Variants in BRINP1 observed in about 807,000 individuals in gnomAD.
BRINP1 encodes the protein BMP/retinoic acid inducible neural specific 1.
BRINP1 carries 17 observed loss-of-function variants against 72.9 expected under a neutral mutation model. The observed-to-expected ratio is 0.23, with a 90% CI of 0.16 to 0.35. BRINP1 has a LOEUF of 0.35. BRINP1 is among the 10% of genes least tolerant of loss of function. The pLI, the probability that BRINP1 is intolerant of heterozygous loss-of-function variation, is 1.00. For synonymous variants in BRINP1, 418 were observed against 378.5 expected, an observed-to-expected ratio of 1.10 and a Z score of -1.21; for missense variants, 850 against 1,001.6, an observed-to-expected ratio of 0.85 and a Z score of 2.04.
chr9:119,365,387 T>C (rs1206048761), intron 1 of BRINP1, among the ~76,000 whole-genome samples: 2 of 152,252 alleles, frequency 1.3e-5, no homozygotes, highest in African/African-American at 4.8e-5. Context: ...GACCTCCATC[T>C]TGTCTTTAAC....
intron 2 of BRINP1, among the ~76,000 whole-genome samples, chr9:119,310,216 G>A (rs953196004): frequency 5.9e-5 from 9 of 152,098 alleles, no homozygotes; most frequent in African/African-American, 1.9e-4. Flanking sequence ...CAGGAGACAG[G>A]GGAGCTGGGT....
At chr9:119,312,832 A>G in intron 2 of BRINP1, among the ~76,000 whole-genome samples, 1 of 152,232 alleles carries the variant, frequency 6.6e-6, no homozygotes, top group East Asian at 1.9e-4. Context: ...GTAAAGTGGG[A>G]AAAACAATCA....
rs535247899 is a variant in BRINP1, at chr9:119,353,188, G to T, written c.-51+15868C>A. ...TTTTATTCCCAGCATCTAGCACAAG[G>T]CCTGGAACATAGAAGACTCTCAATA... On this transcript the variant is annotated intron_variant, in intron 1 of 7. Coordinates refer to ENST00000265922, the MANE Select transcript of BRINP1 (RefSeq NM_014618.3). 5.3e-5 allele frequency among the ~76,000 whole-genome samples: 8 copies of T among 152,128 alleles called. No homozygotes were observed. In the East Asian group the frequency reaches 1.5e-3, roughly 29 times the overall value.
intron 5 of BRINP1, among the ~76,000 whole-genome samples, chr9:119,222,358 T>G (rs1222835806): frequency 6.6e-6 from 1 of 152,016 alleles, no homozygotes; most frequent in Non-Finnish European, 1.5e-5. Context: ...ATAAACAAAT[T>G]TTACTGGAAC....
At chr9:119,310,192 C>A (rs576032528) in intron 2 of BRINP1, among the ~76,000 whole-genome samples, 1 of 152,220 alleles carries the variant, frequency 6.6e-6, no homozygotes, top group Non-Finnish European at 1.5e-5. Flanking sequence ...GTTAGTTGAC[C>A]AAAATCACAC....
chr9:119,338,009 T>C (rs1831364587), intron 1 of BRINP1, among the ~76,000 whole-genome samples: 1 of 152,204 alleles, frequency 6.6e-6, no homozygotes, highest in Admixed American at 6.5e-5. Flanking sequence ...CTTGGGCAAG[T>C]TACTCTCTTC....
intron 1 of BRINP1, among the ~76,000 whole-genome samples, chr9:119,338,277 G>GT: frequency 6.7e-6 from 1 of 148,282 alleles, no homozygotes. Flanking sequence ...ATTAGATTGG[G>GT]CTTTTTTTTT....
At chr9:119,297,441 C>T (rs1830892440) in intron 2 of BRINP1, among the ~76,000 whole-genome samples, 2 of 152,130 alleles carry the variant, frequency 1.3e-5, no homozygotes, top group Admixed American at 6.5e-5. Flanking sequence ...TGTGTGACTT[C>T]CCAGCTGTGT....
chr9:119,363,821 A>T (rs944092021), intron 1 of BRINP1, among the ~76,000 whole-genome samples: 1 of 152,232 alleles, frequency 6.6e-6, no homozygotes, highest in Non-Finnish European at 1.5e-5. Flanking sequence ...TCAGTTCATC[A>T]GCAACACTGG....
Position 119,167,528 on chromosome 9 carries a change from C to A in BRINP1, c.1842G>T (p.Thr614=), listed in dbSNP as rs551897237. The change falls in exon 8 of 8, where the codon ACG becomes ACT. Residue 614 remains threonine, a synonymous_variant. Coordinates refer to ENST00000265922, the MANE Select transcript of BRINP1 (RefSeq NM_014618.3). The surrounding 1 kb of genome is among the most constrained non-coding windows in gnomAD (Gnocchi z 4.3). ...TCCGACTACGTAGGTAGATGTGGACCGTCTCGAAAAATGTTTTCCACCGAT... is the reference window on the plus strand; with the variant it reads ...TCCGACTACGTAGGTAGATGTGGACAGTCTCGAAAAATGTTTTCCACCGAT... ...LGNRWKTFFE[T]VHIYLRSRTR... The A allele has an allele frequency of 3.1e-6, 5 of 1,614,010 alleles. No homozygotes were observed. Among genetic ancestry groups the A allele is most frequent in the South Asian group, 1.1e-5 (1 of 91,062 alleles).
Position 119,369,230 on chromosome 9 carries a change from C to T in BRINP1, c.-225G>A, listed in dbSNP as rs534780944. ...GGCTCATACTCAGCCGTAAAGTCCC[C>T]TTCGCTGGTCCCGAGGACAGGCATG... On this transcript the variant is annotated 5_prime_UTR_variant, in exon 1 of 8. Transcript: ENST00000265922. 91 of 398,680 alleles carry T rather than the reference C, an allele frequency of 2.3e-4. No individual in the cohort carries two copies. The highest frequency in any genetic ancestry group is 1.7e-3 in the African/African-American group (81 of 48,772). The allele number at this position is 398,680 out of a possible 1,614,324, so 24.7% of individuals were successfully genotyped here. A position where few individuals can be genotyped will look rare whatever the true frequency, so the allele number is the denominator to read the frequency against.
chr9:119,369,167 G>A lies in BRINP1; in HGVS notation c.-162C>T. 2.5e-6 allele frequency: 1 copy of A among 398,802 alleles called. No homozygotes were observed. Among genetic ancestry groups the A allele is most frequent in the Non-Finnish European group, 4.4e-6 (1 of 226,206 alleles). 24.7% of individuals were successfully genotyped at this position (398,802 alleles called of 1,614,324 possible). A position where few individuals can be genotyped will look rare whatever the true frequency, so the allele number is the denominator to read the frequency against. On this transcript the variant is annotated 5_prime_UTR_variant, in exon 1 of 8. Transcript: ENST00000265922. ...AGCTCGCATTCCGGGCACGGCGCGG[G>A]GACTGCAGGCGTGGGGGTACCTGGC...
chr9:119,269,893 C>A (rs1830591045), intron 2 of BRINP1, among the ~76,000 whole-genome samples: 1 of 151,962 alleles, frequency 6.6e-6, no homozygotes, highest in South Asian at 2.1e-4. Flanking sequence ...CTTTATGAGA[C>A]TTCTAGCAGA....
intron 7 of BRINP1, among the ~76,000 whole-genome samples, chr9:119,207,119 G>A (rs535888601): frequency 1.4e-4 from 21 of 152,242 alleles, no homozygotes; most frequent in African/African-American, 4.8e-4. Context: ...TAGATTAGTG[G>A]GAATCTAGAA....
rs143564428 is a variant in BRINP1 at position 119,347,130 on chromosome 9, C to A, written c.-51+21926G>T. ...GAATTAATGCCTGCAATCCTGCCAG[C>A]AGAGTGACTCCGTTTTTACAGTTCC... is the stretch of plus-strand genomic sequence containing the variant. On this transcript the variant is annotated intron_variant, in intron 1 of 7. Transcript: ENST00000265922. 3.9e-3 allele frequency among the ~76,000 whole-genome samples: 594 copies of A among 152,276 alleles called. 7 individuals carry two copies. The highest frequency in any genetic ancestry group is 0.014 in the African/African-American group (574 of 41,556).
intron 2 of BRINP1, among the ~76,000 whole-genome samples, chr9:119,295,567 T>C (rs182692365): frequency 3.3e-5 from 5 of 152,328 alleles, no homozygotes; most frequent in Admixed American, 3.3e-4. Flanking sequence ...TATGGTATTA[T>C]AATCATATAG....
intron 1 of BRINP1, among the ~76,000 whole-genome samples, chr9:119,349,515 T>C (rs759659753): frequency 2.6e-5 from 4 of 152,158 alleles, no homozygotes; most frequent in Non-Finnish European, 5.9e-5. Flanking sequence ...GGAAGATGGA[T>C]TGGTGCGGTA....
At chr9:119,316,179 C>T (rs866806090) in intron 1 of BRINP1, among the ~76,000 whole-genome samples, 2 of 152,158 alleles carry the variant, frequency 1.3e-5, no homozygotes, top group Non-Finnish European at 2.9e-5. Flanking sequence ...CTCCACCTCC[C>T]GGGTTCAAGC....
At chr9:119,351,035 A>G (rs1448396512) in intron 1 of BRINP1, among the ~76,000 whole-genome samples, 7 of 151,772 alleles carry the variant, frequency 4.6e-5, no homozygotes, top group African/African-American at 1.5e-4. Flanking sequence ...CCCCACATGT[A>G]TTAGGTATTT....
Sources: gnomAD v4.1 joint callset for allele counts (sites outside exome capture counted in the v4.1 genomes callset) on GRCh38, gnomAD v4.1.1 for gene constraint, Gnocchi (gnomAD v3.1) non-coding constraint, MANE v1.5 for transcripts, NCBI Gene and HGNC (gene_info 2026-07-23, HGNC 2026-07-21) for gene names.